Variants in EFHB observed in about 807,000 individuals in gnomAD.
EFHB encodes the protein EF-hand domain-containing family member B.
In EFHB, 91 loss-of-function variants were observed where a neutral mutation model predicts 87.2. The ratio of observed to expected loss-of-function variants is 1.04; its 90% CI spans 0.88 to 1.24. The LOEUF is 1.24. Ranked by LOEUF, EFHB falls within the 50% of genes most tolerant of loss-of-function variation. The pLI is 0.00. For missense variants in EFHB, 1,084 were observed against 998.8 expected, an observed-to-expected ratio of 1.09 and a Z score of -1.15; for synonymous variants, 325 against 333.6, an observed-to-expected ratio of 0.97 and a Z score of 0.28.
rs998322316 is a variant in EFHB, at chr3:19,879,561, A to G, written c.*70T>C. 6.8e-7 allele frequency: 1 copy of G among 1,460,394 alleles called. No individual in the cohort carries two copies. The highest frequency in any genetic ancestry group is 2.5e-5 in the Admixed American group (1 of 40,180). 90.5% of individuals were successfully genotyped at this position (1,460,394 alleles called of 1,614,324 possible). On this transcript the variant is annotated 3_prime_UTR_variant, in exon 13 of 13. Coordinates refer to ENST00000295824, the MANE Select transcript of EFHB (RefSeq NM_144715.4). The stretch of plus-strand genomic sequence containing the variant: ...CTCTAACATAATATCTAAAACCAGA[A>G]TGGATTCAACATTTTAGATAAACAC...
intron 1 of EFHB, among the ~76,000 whole-genome samples, chr3:19,922,362 T>C (rs892615604): frequency 5.9e-5 from 9 of 152,172 alleles, no homozygotes; most frequent in African/African-American, 2.2e-4. Flanking sequence ...TTCAGGGCAA[T>C]TGTATCCCCA....
In EFHB at chr3:19,898,887, T is replaced by C. The variant is rs562726523; in HGVS notation, c.1503-42A>G. ...ATCCTTAGTTAAAATACCCACCACA[T>C]GGCATCTCTGGAATTTAAAATATGT... On this transcript the variant is annotated intron_variant, in intron 7 of 12. Coordinates refer to ENST00000295824, the MANE Select transcript of EFHB (RefSeq NM_144715.4). 1.7e-5 allele frequency: 27 copies of C among 1,578,628 alleles called. No homozygotes were observed. The South Asian group carries it at 3.0e-4, about 18-fold the overall frequency.
chr3:19,936,330 A>T, upstream of EFHB: 1 of 486,610 alleles, frequency 2.1e-6, no homozygotes, highest in Non-Finnish European at 3.6e-6. Flanking sequence ...AGCCTGGGCG[A>T]CAGACTGAAA....
Position 19,908,587 on chromosome 3 carries a change from AGAGAGAG to A in EFHB, c.1289-2845_1289-2839del, listed in dbSNP as rs1559459649. On this transcript the variant is annotated intron_variant, in intron 5 of 12. Transcript: ENST00000295824. ...AAGAGAGAGAGAGAGAGAGAGAGAG[AGAGAGAG>A]AGAGAGAAAGAAAGAAAGAAAGAAA... 4.3e-3 allele frequency among the ~76,000 whole-genome samples: 542 copies of A among 124,932 alleles called. 4 individuals carry two copies. Among genetic ancestry groups the A allele is most frequent in the African/African-American group, 0.019 (511 of 27,068 alleles). 82.0% of individuals were successfully genotyped at this position (124,932 alleles called of 152,430 possible).
chr3:19,924,242 CG>C (rs1695540069), intron 1 of EFHB, among the ~76,000 whole-genome samples: 1 of 145,428 alleles, frequency 6.9e-6, no homozygotes, highest in Non-Finnish European at 1.5e-5. Flanking sequence ...GAGACAGAGT[CG>C]TCCTCTGTTG....
At chr3:19,916,786 T>A (rs1695248999) in intron 4 of EFHB, among the ~76,000 whole-genome samples, 1 of 152,178 alleles carries the variant, frequency 6.6e-6, no homozygotes, top group Non-Finnish European at 1.5e-5. Flanking sequence ...CCTAACAACA[T>A]AGATTAAGAA....
chr3:19,898,636 C>G, intron 8 of EFHB, 142 bp downstream of exon 8: 1 of 840,148 alleles, frequency 1.2e-6, no homozygotes, highest in Non-Finnish European at 1.9e-6. Flanking sequence ...ATACACTTTT[C>G]TCATTAATGT....
intron 9 of EFHB, among the ~76,000 whole-genome samples, chr3:19,890,955 A>G (rs1399446259): frequency 2.0e-5 from 3 of 152,176 alleles, no homozygotes; most frequent in Non-Finnish European, 4.4e-5. Context: ...ATGAAAAAGG[A>G]GCAAACAAGC....
At chr3:19,886,871 T>C (rs1694121037) in intron 10 of EFHB, among the ~76,000 whole-genome samples, 1 of 152,028 alleles carries the variant, frequency 6.6e-6, no homozygotes, top group African/African-American at 2.4e-5. Flanking sequence ...AAAATAGAGT[T>C]ACTTCTGAGA....
At chr3:19,935,138 T>C (rs1485741256), upstream of EFHB, among the ~76,000 whole-genome samples, 1 of 152,118 alleles carries the variant, frequency 6.6e-6, no homozygotes, top group African/African-American at 2.4e-5. Context: ...CTCAAACACC[T>C]GACCTCAAGT....
chr3:19,921,486 CA>C (rs1695433642), intron 1 of EFHB, among the ~76,000 whole-genome samples: 6 of 151,878 alleles, frequency 4.0e-5, no homozygotes. Flanking sequence ...AGGGGCAAAA[CA>C]ACTTCTGATT....
In EFHB at chr3:19,888,628, T is replaced by A. The variant is rs780492640; in HGVS notation, c.1749A>T (p.Lys583Asn). The A allele has an allele frequency of 1.4e-5, 22 of 1,606,276 alleles. No homozygotes were observed. Among genetic ancestry groups the A allele is most frequent in the Non-Finnish European group, 1.9e-5 (22 of 1,175,986 alleles). The change falls in exon 10 of 13, where the codon AAA (lysine) becomes AAT (asparagine). Residue 583 changes from lysine to asparagine, a missense_variant. Physicochemically the swap from Lys to Asn is moderately conservative, Grantham distance 94 (BLOSUM62 0). Transcript: ENST00000295824. Reference protein sequence around the residue: ...YDKKGDGMIDKDELQEACDQA... With the variant: ...YDKKGDGMIDNDELQEACDQA... ...GGTCACAAGCTTCCTGCAGCTCGTC[T>A]TTATCTATCATCCCATCTCCCTTCT... is the stretch of plus-strand genomic sequence containing the variant.
At chr3:19,883,417 T>A (rs1169891300) in intron 11 of EFHB, among the ~76,000 whole-genome samples, 1 of 152,228 alleles carries the variant, frequency 6.6e-6, no homozygotes. Context: ...ATGTATAGCA[T>A]GTCTATAAAA....
upstream of EFHB, chr3:19,936,214 G>T: frequency 1.1e-6 from 1 of 911,176 alleles, no homozygotes; most frequent in South Asian, 1.4e-5. Context: ...GCCCAGCGTG[G>T]TGGCTCACAT....
At chr3:19,927,407 T>A (rs2929358) in intron 1 of EFHB, among the ~76,000 whole-genome samples, 1 of 152,086 alleles carries the variant, frequency 6.6e-6, no homozygotes, top group Non-Finnish European at 1.5e-5. Context: ...TAGGCCAGTA[T>A]TTCTTGGAAA....
At chr3:19,937,969 A>G (rs746600312), upstream of EFHB, among the ~76,000 whole-genome samples, 26 of 152,106 alleles carry the variant, frequency 1.7e-4, no homozygotes, top group African/African-American at 4.1e-4. Context: ...CTCTACTTCA[A>G]TGTTTTATGC....
intron 1 of EFHB, among the ~76,000 whole-genome samples, chr3:19,925,725 G>A (rs1474172642): frequency 6.6e-6 from 1 of 152,100 alleles, no homozygotes; most frequent in East Asian, 1.9e-4. Flanking sequence ...TGAGTCCCAA[G>A]ATTCAAGTCA....
chr3:19,911,171 C>G (rs769909095), intron 5 of EFHB, among the ~76,000 whole-genome samples: 6 of 152,152 alleles, frequency 3.9e-5, no homozygotes, highest in Non-Finnish European at 7.3e-5. Flanking sequence ...TTCAAAATAG[C>G]TGTGTTGAGG....
chr3:19,939,527 G>A (rs1696106312), intron 1 of EFHB, among the ~76,000 whole-genome samples: 1 of 151,198 alleles, frequency 6.6e-6, no homozygotes. Context: ...TGGGACTACA[G>A]GCGCCCGCCA....
Sources: gnomAD v4.1 joint callset for allele counts (sites outside exome capture counted in the v4.1 genomes callset) on GRCh38, gnomAD v4.1.1 for gene constraint, MANE v1.5 for transcripts, NCBI Gene and HGNC (gene_info 2026-07-23, HGNC 2026-07-21) for gene names.